The following LTF variants were observed in gnomAD, a reference collection of about 807,000 sequenced individuals.
The protein encoded by LTF is epididymis luminal protein 110.
LTF carries 91 observed loss-of-function variants against 87.2 expected under a neutral mutation model. The observed-to-expected ratio is 1.04, with a 90% confidence interval of 0.88 to 1.24. LTF has a LOEUF of 1.24. Among genes scored for constraint, LTF ranks in the 50% most tolerant of loss-of-function variants. The pLI, the probability that LTF is intolerant of heterozygous loss-of-function variation, is 0.00. For synonymous variants in LTF, 378 were observed against 356.1 expected (o/e 1.06, Z -0.69); for missense variants, 901 against 904.3 (o/e 1.00, Z 0.05).
Position 46,440,218 on chromosome 3 carries a change from A to G in LTF, c.1724-738T>C, listed in dbSNP as rs555968752. On this transcript the variant is annotated intron_variant, in intron 14 of 16. Coordinates refer to ENST00000231751, the MANE Select transcript of LTF (RefSeq NM_002343.6). ...TTTAGAGTTCTTATTTTTTTAAAGAAGAAAACCCTCCACCTATGCCATATT... is the reference window on the plus strand; with the variant it reads ...TTTAGAGTTCTTATTTTTTTAAAGAGGAAAACCCTCCACCTATGCCATATT... Among the ~76,000 whole-genome samples the G allele has an allele frequency of 3.9e-5, 6 of 152,308 alleles. 1 individual carries two copies. The South Asian group carries it at 1.0e-3, about 26-fold the overall frequency.
chr3:46,459,555 G>C, intron 2 of LTF, 101 bp downstream of exon 2: 1 of 1,193,336 alleles, frequency 8.4e-7, no homozygotes, highest in East Asian at 2.9e-5. Context: ...TTGCCCAACA[G>C]GTGAAGCAGA....
chr3:46,449,774 A>C (rs1416898559), intron 8 of LTF, 80 bp downstream of exon 8: 1 of 1,464,036 alleles, frequency 6.8e-7, no homozygotes, highest in Non-Finnish European at 9.4e-7. Flanking sequence ...AAAAGGAGTG[A>C]CCGCCACAAA....
intron 16 of LTF, 44 bp downstream of exon 16, chr3:46,437,896 C>G: frequency 6.5e-7 from 1 of 1,550,242 alleles, no homozygotes; most frequent in Non-Finnish European, 8.8e-7. Context: ...CCTTGACCTT[C>G]ACCCATGGTG....
intron 1 of LTF, among the ~76,000 whole-genome samples, chr3:46,480,957 A>C (rs2106928998): frequency 6.6e-6 from 1 of 152,248 alleles, no homozygotes; most frequent in Middle Eastern, 3.4e-3. Flanking sequence ...GACAGCAGGT[A>C]CACAACTGCC....
chr3:46,441,459 G>A lies in LTF; in HGVS notation c.1680C>T (p.Asp560=), dbSNP rs377507978. 620 of 1,613,580 alleles carry A rather than the reference G, an allele frequency of 3.8e-4. 6 individuals carry two copies. In the South Asian group the frequency reaches 5.5e-3, roughly 14 times the overall value. Residue 560 remains aspartate, a synonymous_variant, in exon 14 of 17, where the codon GAC becomes GAT. Coordinates refer to ENST00000231751, the MANE Select transcript of LTF (RefSeq NM_002343.6). ...CAGTGACATCTTTCACAAATGCAACGTCTCCAGCATTCTCAGCCAGGCACC... is the reference window on the plus strand; with the variant it reads ...CAGTGACATCTTTCACAAATGCAACATCTCCAGCATTCTCAGCCAGGCACC... ...AFRCLAENAG[D]VAFVKDVTVL... is the part of the protein sequence containing the mutation.
At position 46,448,937 on chromosome 3, in the gene LTF, A is replaced by G. The variant is rs1388641522; in HGVS notation, c.1138T>C (p.Trp380Arg). Reference protein sequence around the residue: ...GEQELRKCNQWSGLSEGSVTC... With the variant: ...GEQELRKCNQRSGLSEGSVTC... ...ACGCTGCCTTCGCTCAAGCCACTCC[A>G]CTGGTTACACTTGCGCAGCTCCTGC... The change falls in exon 9 of 17, where the codon TGG (tryptophan) becomes CGG (arginine). Residue 380 changes from tryptophan (W) to arginine (R), a missense_variant. Trp to Arg is a moderately radical substitution (Grantham distance 101). Transcript: ENST00000231751. 8.1e-6 allele frequency: 13 copies of G among 1,613,646 alleles called. No individual in the cohort carries two copies. The highest frequency in any genetic ancestry group is 2.2e-5 in the South Asian group (2 of 91,044).
chr3:46,452,057 T>C (rs963456521), intron 6 of LTF, among the ~76,000 whole-genome samples: 6 of 152,064 alleles, frequency 3.9e-5, no homozygotes, highest in Non-Finnish European at 5.9e-5. Flanking sequence ...ACAAAAGAAA[T>C]GTGAGATATA....
Position 46,436,222 on chromosome 3 carries a change from C to T in LTF, c.2106G>A (p.Leu702=), listed in dbSNP as rs1221587048. The change falls in exon 17 of 17, where the codon CTG becomes CTA. Residue 702 remains leucine (L), a synonymous_variant. Coordinates refer to ENST00000231751, the MANE Select transcript of LTF (RefSeq NM_002343.6). ...ACTTCCTGAGGAATTCACAGGCTTC[C>T]AGGAGGGCTGTGGGACACAACAGAG... ...NLKKCSTSPL[L]EACEFLRK 6.2e-7 allele frequency: 1 copy of T among 1,614,090 alleles called. No individual in the cohort carries two copies. The highest frequency in any genetic ancestry group is 2.2e-5 in the East Asian group (1 of 44,878).
At chr3:46,451,692 T>C (rs1022328136) in intron 6 of LTF, among the ~76,000 whole-genome samples, 1 of 152,078 alleles carries the variant, frequency 6.6e-6, no homozygotes, top group African/African-American at 2.4e-5. Context: ...TCTCCTGGAG[T>C]CAAGAGATTC....
At chr3:46,465,922 T>C (rs949119689), upstream of LTF, among the ~76,000 whole-genome samples, 1 of 152,096 alleles carries the variant, frequency 6.6e-6, no homozygotes, top group Non-Finnish European at 1.5e-5. Flanking sequence ...GAATATCCTG[T>C]GTGTATGGAT....
chr3:46,482,558 GGGA>G lies in LTF; in HGVS notation c.-320+2425_-320+2427del, dbSNP rs1559614566. ...GGGAAGGGAAGGGAAGGGAAGGGAA[GGGA>G]AGGGAAGGGAAAGGAAAGGAAGGGA... On this transcript the variant is annotated intron_variant, in intron 1 of 19. Coordinates refer to the LTF transcript ENST00000443496. Among the ~76,000 whole-genome samples the G allele has an allele frequency of 5.8e-4, 45 of 78,154 alleles. 6 individuals carry two copies. The highest frequency in any genetic ancestry group is 3.8e-3 in the South Asian group (7 of 1,834). 51.3% of individuals were successfully genotyped at this position (78,154 alleles called of 152,430 possible).
rs1191002140 is a variant in LTF, at chr3:46,454,341, C to T, written c.667G>A (p.Gly223Arg). Residue 223 changes from glycine to arginine, a missense_variant, in exon 6 of 17, where the codon GGA becomes AGA. Transcript: ENST00000231751. ...GAFKCLRDGA[G>R]DVAFIRESTV... ...CTCTCTCTGATAAAAGCCACGTCTC[C>T]AGCCCCGTCTCTCAGACACCTGTGA... 6 of 1,614,152 alleles carry T rather than the reference C, an allele frequency of 3.7e-6. No homozygotes were observed. The highest frequency in any genetic ancestry group is 4.2e-6 in the Non-Finnish European group (5 of 1,180,002).
chr3:46,436,620 C>G (rs1702392614), intron 16 of LTF, among the ~76,000 whole-genome samples: 2 of 152,202 alleles, frequency 1.3e-5, no homozygotes, highest in Admixed American at 6.5e-5. Context: ...TTACTGAGCA[C>G]CTGCTTTGTG....
At chr3:46,473,218 C>T (rs1450769422) in intron 1 of LTF, among the ~76,000 whole-genome samples, 1 of 152,096 alleles carries the variant, frequency 6.6e-6, no homozygotes, top group East Asian at 1.9e-4. Context: ...TTTTCTTGCC[C>T]TTCCTCTCTT....
intron 1 of LTF, among the ~76,000 whole-genome samples, chr3:46,480,736 A>T (rs1291116091): frequency 6.6e-6 from 1 of 152,132 alleles, no homozygotes; most frequent in African/African-American, 2.4e-5. Flanking sequence ...TTTACGGGTC[A>T]CTCTGCATTG....
At chr3:46,484,589 A>AT (rs1438899100) in intron 1 of LTF, among the ~76,000 whole-genome samples, 1 of 152,134 alleles carries the variant, frequency 6.6e-6, no homozygotes, top group Admixed American at 6.5e-5. Context: ...TTCTGCCAAT[A>AT]TCCACCCTCC....
chr3:46,455,711 C>G, intron 4 of LTF, 85 bp downstream of exon 4: 1 of 1,431,182 alleles, frequency 7.0e-7, no homozygotes, highest in East Asian at 2.3e-5. Context: ...CCCACACTTT[C>G]ACCTGCATGA....
At chr3:46,448,335 C>G (rs1702706633) in intron 9 of LTF, among the ~76,000 whole-genome samples, 1 of 150,944 alleles carries the variant, frequency 6.6e-6, no homozygotes, top group South Asian at 2.1e-4. Flanking sequence ...CCACTGCACT[C>G]CAGCCTGGGT....
At position 46,450,455 on chromosome 3, in the gene LTF, C is replaced by G. The variant is rs771358338; in HGVS notation, c.882+40G>C. ...AGTAAGAAACCTTGCTCCCTGCCCC[C>G]CATATCCAAGCAAGTGGGGAGGACC... On this transcript the variant is annotated intron_variant, in intron 7 of 16. Coordinates refer to ENST00000231751, the MANE Select transcript of LTF (RefSeq NM_002343.6). 3.8e-6 allele frequency: 6 copies of G among 1,571,746 alleles called. No individual in the cohort carries two copies. In the South Asian group the frequency reaches 6.9e-5, roughly 18 times the overall value.
Sources: allele counts gnomAD v4.1 joint callset (sites outside exome capture counted in the v4.1 genomes callset), GRCh38; gene constraint gnomAD v4.1.1; transcripts MANE v1.5; gene names NCBI Gene and HGNC (gene_info 2026-07-23, HGNC 2026-07-21).